The following MAX variants were observed in gnomAD, a reference collection of about 807,000 sequenced individuals.
The protein encoded by MAX is protein max.
MAX carries 3 observed loss-of-function variants against 22.3 expected under a neutral mutation model. That is an observed-to-expected ratio of 0.13 (90% CI 0.06 to 0.35). The LOEUF (loss-of-function observed/expected upper bound fraction) is 0.35, where lower values mean the gene tolerates loss of function less well. Ranked by LOEUF, MAX falls within the 10% of genes least tolerant of loss-of-function variation. MAX has a pLI of 1.00. For missense variants in MAX, 119 were observed against 209.4 expected, an observed-to-expected ratio of 0.57 and a Z score of 2.66; for synonymous variants, 72 against 77.7, an observed-to-expected ratio of 0.93 and a Z score of 0.39.
In MAX at chr14:65,023,468, C is replaced by G. The variant is rs1167775592; in HGVS notation, c.172-17184G>C. 1.3e-5 allele frequency among the ~76,000 whole-genome samples: 2 copies of G among 152,186 alleles called. No individual in the cohort carries two copies. The highest frequency in any genetic ancestry group is 2.9e-5 in the Non-Finnish European group (2 of 68,036). Reference sequence around the variant, plus strand: ...CCCTGCTTTGAACTTGACCCTCTTACAAGATTTACATACTCTTTAATGATG... The same window carrying G: ...CCCTGCTTTGAACTTGACCCTCTTAGAAGATTTACATACTCTTTAATGATG... On this transcript the variant is annotated intron_variant, in intron 3 of 3. Coordinates refer to the MAX transcript ENST00000341653. This position sits in a 1 kb window ranked among gnomAD's most constrained non-coding sequence, Gnocchi z 4.1.
At position 65,075,260 on chromosome 14, in the gene MAX, A is replaced by G. The variant is rs531320502; in HGVS notation, c.*1216T>C. Reference sequence around the variant, plus strand: ...GGAATCAAACACGAACTGAGACTACAGAGTATACACTAGAAATCAGCAAAT... The same window carrying G: ...GGAATCAAACACGAACTGAGACTACGGAGTATACACTAGAAATCAGCAAAT... On this transcript the variant is annotated 3_prime_UTR_variant, in exon 5 of 5. Coordinates refer to ENST00000358664, the MANE Select transcript of MAX (RefSeq NM_002382.5). The surrounding 1 kb of genome is among the most constrained non-coding windows in gnomAD (Gnocchi z 4.1). 3 of 1,060,068 alleles carry G rather than the reference A, an allele frequency of 2.8e-6. No homozygotes were observed. The highest frequency in any genetic ancestry group is 1.0e-4 in the East Asian group (2 of 19,416). The allele number at this position is 1,060,068 out of a possible 1,614,324, so 65.7% of individuals were successfully genotyped here.
At chr14:65,046,955 A>G (rs2062496105) in intron 3 of MAX, among the ~76,000 whole-genome samples, 1 of 152,242 alleles carries the variant, frequency 6.6e-6, no homozygotes, top group Admixed American at 6.5e-5. Flanking sequence ...TCTACAAACA[A>G]AACAAGCAAA....
At chr14:65,070,208 G>A (rs543807009), downstream of MAX, among the ~76,000 whole-genome samples, 10 of 152,302 alleles carry the variant, frequency 6.6e-5, no homozygotes, top group East Asian at 1.2e-3. This position sits in a 1 kb window ranked among gnomAD's most constrained non-coding sequence, Gnocchi z 4.4. Context: ...CTGGAGAGAA[G>A]GCACACCTCC....
intron 1 of MAX, 51 bp downstream of exon 1, chr14:65,102,253 G>A (rs972056792): frequency 5.6e-6 from 9 of 1,610,306 alleles, no homozygotes; most frequent in Admixed American, 1.7e-5. Context: ...AGCCCCGGCC[G>A]CTGTCCCCGC....
chr14:65,051,919 T>C (rs867799257), intron 3 of MAX, among the ~76,000 whole-genome samples: 17 of 151,706 alleles, frequency 1.1e-4, no homozygotes, highest in African/African-American at 4.1e-4. Context: ...CTCAGCCTCC[T>C]GAGTAGCTGG....
chr14:65,065,464 C>A (rs2062922341), intron 3 of MAX, among the ~76,000 whole-genome samples: 1 of 152,170 alleles, frequency 6.6e-6, no homozygotes, highest in Non-Finnish European at 1.5e-5. Context: ...AGTGCACTTA[C>A]ACAGACCTAG....
intron 3 of MAX, chr14:65,061,435 T>C: frequency 2.8e-6 from 4 of 1,433,244 alleles, no homozygotes; most frequent in Non-Finnish European, 3.7e-6. Flanking sequence ...TGTGGTTCTC[T>C]TGGTACTTTC....
chr14:65,102,622 A>C, upstream of MAX: 1 of 1,256,236 alleles, frequency 8.0e-7, no homozygotes. Context: ...TCCCTCTAAC[A>C]GACGGCCCGG....
rs541851564 is a variant in MAX, at chr14:65,075,198, G to A, written c.*1278C>T. 1.5e-4 allele frequency: 157 copies of A among 1,043,422 alleles called. 1 individual carries two copies. Among genetic ancestry groups the A allele is most frequent in the South Asian group, 1.4e-3 (30 of 21,772 alleles). The allele number at this position is 1,043,422 out of a possible 1,614,324, so 64.6% of individuals were successfully genotyped here. On this transcript the variant is annotated 3_prime_UTR_variant, in exon 5 of 5. Coordinates refer to ENST00000358664, the MANE Select transcript of MAX (RefSeq NM_002382.5). The surrounding 1 kb of genome is among the most constrained non-coding windows in gnomAD (Gnocchi z 4.1). ...GCCTTAACTTGCAAGACAATTCTTC[G>A]GCAGTATGTACAACATACTTTTTAT...
At chr14:65,097,489 GCTAC>G (rs1343062062) in intron 2 of MAX, among the ~76,000 whole-genome samples, 1 of 152,114 alleles carries the variant, frequency 6.6e-6, no homozygotes, top group East Asian at 1.9e-4. Flanking sequence ...TGTCTTACAG[GCTAC>G]CTGACAGCTA....
At chr14:65,061,078 C>A (rs2062856519) in intron 3 of MAX, 1 of 1,533,426 alleles carries the variant, frequency 6.5e-7, no homozygotes, top group Non-Finnish European at 8.8e-7. Flanking sequence ...ATCTCTGATT[C>A]CTTATACTAA....
intron 3 of MAX, among the ~76,000 whole-genome samples, chr14:65,010,339 T>C (rs1380660749): frequency 6.6e-6 from 1 of 152,248 alleles, no homozygotes; most frequent in African/African-American, 2.4e-5. Flanking sequence ...CTGTCACTTG[T>C]GTGCAGACAA....
chr14:65,054,468 T>G lies in MAX; in HGVS notation c.171+39240A>C, dbSNP rs1181602236. 2.9e-5 allele frequency: 32 copies of G among 1,111,152 alleles called. No homozygotes were observed. Among genetic ancestry groups the G allele is most frequent in the Non-Finnish European group, 4.1e-5 (32 of 771,814 alleles). 68.8% of individuals were successfully genotyped at this position (1,111,152 alleles called of 1,614,324 possible). A position where few individuals can be genotyped will look rare whatever the true frequency, so the allele number is the denominator to read the frequency against. On this transcript the variant is annotated intron_variant, in intron 3 of 3. Coordinates refer to the MAX transcript ENST00000341653. This position sits in a 1 kb window ranked among gnomAD's most constrained non-coding sequence, Gnocchi z 4.4. ...ATGCCTCCTCTAGCCACATGGAGGA[T>G]GGGGGGGGACGTGTGATTGCACCAG...
rs1262635538 is a variant in MAX, at chr14:65,093,576, A to C, written c.171+132T>G. The C allele has an allele frequency of 2.8e-6, 2 of 708,042 alleles. No homozygotes were observed. The highest frequency in any genetic ancestry group is 5.2e-6 in the Non-Finnish European group (2 of 382,564). 43.9% of individuals were successfully genotyped at this position (708,042 alleles called of 1,614,324 possible). A position where few individuals can be genotyped will look rare whatever the true frequency, so the allele number is the denominator to read the frequency against. On this transcript the variant is annotated intron_variant, in intron 3 of 4. Transcript: ENST00000358664. The surrounding 1 kb of genome is among the most constrained non-coding windows in gnomAD (Gnocchi z 4.4). ...GTGTGCAGTGATCCTCCAAACAGTC[A>C]AAAATAAGGCAACCATGCTACCTGA...
At chr14:65,074,785 T>C (rs1177157653), downstream of MAX, among the ~76,000 whole-genome samples, 3 of 152,140 alleles carry the variant, frequency 2.0e-5, no homozygotes, top group Non-Finnish European at 2.9e-5. Flanking sequence ...TGGGCACTCA[T>C]TACCAGGAGA....
chr14:65,040,247 C>CTA (rs965434421), intron 3 of MAX, among the ~76,000 whole-genome samples: 5 of 148,114 alleles, frequency 3.4e-5, no homozygotes, highest in South Asian at 2.1e-4. Flanking sequence ...ATGGTTATCA[C>CTA]TATATATATA....
chr14:65,075,531 C>T lies in MAX; in HGVS notation c.*945G>A. Reference sequence around the variant, plus strand: ...GTTGGCTCTATTTCTTAGAAATACACACGGGAAGAAAGAAAGATTTCATCA... The same window carrying T: ...GTTGGCTCTATTTCTTAGAAATACATACGGGAAGAAAGAAAGATTTCATCA... On this transcript the variant is annotated 3_prime_UTR_variant, in exon 5 of 5. Coordinates refer to ENST00000358664, the MANE Select transcript of MAX (RefSeq NM_002382.5). This position sits in a 1 kb window ranked among gnomAD's most constrained non-coding sequence, Gnocchi z 4.1. 1.9e-6 allele frequency: 2 copies of T among 1,065,366 alleles called. No individual in the cohort carries two copies. The highest frequency in any genetic ancestry group is 2.3e-6 in the Non-Finnish European group (2 of 879,070). The allele number at this position is 1,065,366 out of a possible 1,614,324, so 66.0% of individuals were successfully genotyped here. A position where few individuals can be genotyped will look rare whatever the true frequency, so the allele number is the denominator to read the frequency against.
chr14:65,033,208 C>T (rs1455250257), intron 3 of MAX, among the ~76,000 whole-genome samples: 16 of 152,076 alleles, frequency 1.1e-4, no homozygotes, highest in Admixed American at 1.0e-3. Context: ...ATGGAAAAAT[C>T]TCTATGTTGA....
chr14:65,075,073 G>A (rs112175861), downstream of MAX: 11 of 1,011,572 alleles, frequency 1.1e-5, no homozygotes, highest in Middle Eastern at 4.8e-4. This position sits in a 1 kb window ranked among gnomAD's most constrained non-coding sequence, Gnocchi z 4.1. Context: ...TTCCAGAGGG[G>A]TCTCTCATCA....
Sources: allele counts gnomAD v4.1 joint callset (sites outside exome capture counted in the v4.1 genomes callset), GRCh38; gene constraint gnomAD v4.1.1; non-coding constraint Gnocchi (gnomAD v3.1); transcripts MANE v1.5; gene names NCBI Gene and HGNC (gene_info 2026-07-23, HGNC 2026-07-21).